ADIG: variants seen among roughly 807,000 people sequenced by gnomAD.
The protein encoded by ADIG is adipogenin, also known as adipogenesis associated.
A neutral mutation model predicts 10.7 loss-of-function variants in ADIG; 12 were observed. The ratio of observed to expected loss-of-function variants is 1.12; its 90% CI spans 0.72 to 1.82. The LOEUF (loss-of-function observed/expected upper bound fraction) is 1.82. ADIG is among the 40% of genes most tolerant of loss of function. ADIG has a pLI of 0.00. For missense variants in ADIG, 72 were observed against 92.5 expected (o/e 0.78, Z 0.91); for synonymous variants, 32 against 35.6 (o/e 0.90, Z 0.36).
intron 1 of ADIG, among the ~76,000 whole-genome samples, chr20:38,582,211 A>G (rs1481547191): frequency 6.6e-6 from 1 of 152,144 alleles, no homozygotes; most frequent in African/African-American, 2.4e-5. Flanking sequence ...GGAGTTTGAG[A>G]CCAGGCTGGG....
chr20:38,582,543 C>T (rs1052739888), intron 1 of ADIG, among the ~76,000 whole-genome samples: 1 of 152,218 alleles, frequency 6.6e-6, no homozygotes, highest in African/African-American at 2.4e-5. Flanking sequence ...CTCCCCACAC[C>T]CCTGCTAGCC....
chr20:38,582,996 T>A (rs2088602090), intron 1 of ADIG, among the ~76,000 whole-genome samples: 9 of 152,012 alleles, frequency 5.9e-5, no homozygotes, highest in Admixed American at 5.9e-4. Context: ...TTTTGTATTT[T>A]TAGTAGAGAT....
At chr20:38,587,424 A>G (rs2088646896) in intron 2 of ADIG, among the ~76,000 whole-genome samples, 2 of 152,090 alleles carry the variant, frequency 1.3e-5, no homozygotes, top group African/African-American at 4.8e-5. Context: ...TTTTCCCAGG[A>G]AAACTCCTCC....
chr20:38,584,614 G>A (rs1326208710), intron 1 of ADIG, among the ~76,000 whole-genome samples: 1 of 152,242 alleles, frequency 6.6e-6, no homozygotes, highest in Non-Finnish European at 1.5e-5. Flanking sequence ...GCCTGGACAA[G>A]TGATTTCACC....
intron 2 of ADIG, among the ~76,000 whole-genome samples, chr20:38,586,464 G>A (rs55676615): frequency 0.027 from 4,157 of 152,188 alleles, 189 homozygotes; most frequent in African/African-American, 0.095. Flanking sequence ...TCCCTCAGAC[G>A]TCTGCGTGGG....
intron 1 of ADIG, among the ~76,000 whole-genome samples, chr20:38,582,993 T>C (rs1374523691): frequency 6.6e-6 from 1 of 152,060 alleles, no homozygotes; most frequent in Non-Finnish European, 1.5e-5. Context: ...AATTTTTGTA[T>C]TTTTAGTAGA....
At chr20:38,584,907 A>C (rs918324582) in intron 1 of ADIG, among the ~76,000 whole-genome samples, 1 of 152,104 alleles carries the variant, frequency 6.6e-6, no homozygotes, top group African/African-American at 2.4e-5. Flanking sequence ...CCTCCTGAGC[A>C]GCTGGGACTA....
chr20:38,586,694 T>A (rs543925680), intron 2 of ADIG, among the ~76,000 whole-genome samples: 2 of 152,300 alleles, frequency 1.3e-5, no homozygotes. Context: ...AGAGGCTCAA[T>A]ACATGTTTGT....
Position 38,586,107 on chromosome 20 carries a change from G to C in ADIG, c.203G>C (p.Gly68Ala), listed in dbSNP as rs1324933032. The C allele has an allele frequency of 3.7e-6, 6 of 1,606,918 alleles. No individual in the cohort carries two copies. Among genetic ancestry groups the C allele is most frequent in the Non-Finnish European group, 5.1e-6 (6 of 1,176,848 alleles). ...GGCCCAGCTGAGTTTTGCTGGAAGG[G>C]GACACTCCACGGCCAAGAGAAGGAG... ...SKGPAEFCWK[G>A]TLHGQEKERP... The change falls in exon 2 of 3, where the codon GGG (glycine) becomes GCG (alanine). Residue 68 changes from glycine (G) to alanine (A), a missense_variant. Physicochemically the swap from Gly to Ala is moderately conservative, Grantham distance 60 (BLOSUM62 0). Coordinates refer to ENST00000537425, the MANE Select transcript of ADIG (RefSeq NM_001393816.1).
chr20:38,584,801 C>G (rs1034231073), intron 1 of ADIG, among the ~76,000 whole-genome samples: 5 of 150,996 alleles, frequency 3.3e-5, no homozygotes, highest in Non-Finnish European at 7.4e-5. Flanking sequence ...TTTTTTGAGA[C>G]GGAGTCTCGC....
rs1159931180 is a variant in ADIG, at chr20:38,588,211, A to G, written c.*125A>G. On this transcript the variant is annotated 3_prime_UTR_variant, in exon 3 of 3. Coordinates refer to ENST00000537425, the MANE Select transcript of ADIG (RefSeq NM_001393816.1). Reference sequence around the variant, plus strand: ...ACTGTGGTGCCTCCCTGGAACCCCCAACTCATCTCCTCTTCAGACCGACAT... The same window carrying G: ...ACTGTGGTGCCTCCCTGGAACCCCCGACTCATCTCCTCTTCAGACCGACAT... The G allele has an allele frequency of 2.3e-6, 3 of 1,304,556 alleles. No homozygotes were observed. The allele number at this position is 1,304,556 out of a possible 1,614,324, so 80.8% of individuals were successfully genotyped here. A position where few individuals can be genotyped will look rare whatever the true frequency, so the allele number is the denominator to read the frequency against.
chr20:38,582,692 C>T (rs2088599829), intron 1 of ADIG, among the ~76,000 whole-genome samples: 1 of 152,200 alleles, frequency 6.6e-6, no homozygotes, highest in African/African-American at 2.4e-5. Context: ...CCACAGCCCT[C>T]CCTGAGGGGC....
rs1016739771 is a variant in ADIG at position 38,581,289 on chromosome 20, A to G, written c.39A>G (p.Thr13=). 8.7e-6 allele frequency: 14 copies of G among 1,613,582 alleles called. No homozygotes were observed. Among genetic ancestry groups the G allele is most frequent in the East Asian group, 2.2e-5 (1 of 44,880 alleles). ...TGATGCCGCTGGTGAACGACCTCAC[A>G]TTTTCTTTCCTGGTTTTCTGGTTCT... is the stretch of plus-strand genomic sequence containing the variant. ...YPLMPLVNDL[T]FSFLVFWFCL... Residue 13 remains threonine, a synonymous_variant, in exon 1 of 3, where the codon ACA becomes ACG. Transcript: ENST00000537425.
intron 2 of ADIG, 80 bp downstream of exon 2, chr20:38,586,241 C>T (rs2088635946): frequency 2.6e-6 from 3 of 1,148,158 alleles, no homozygotes; most frequent in Non-Finnish European, 3.8e-6. Context: ...CAAGAGGCTG[C>T]CTCCACCATA....
Position 38,585,057 on chromosome 20 carries a change from G to T in ADIG, c.125-972G>T, listed in dbSNP as rs536952160. Reference sequence around the variant, plus strand: ...CCCAAAGTGCTGGGATTACAGGCGTGAGCCACTGTGCCCGGCCCCTACTGA... The same window carrying T: ...CCCAAAGTGCTGGGATTACAGGCGTTAGCCACTGTGCCCGGCCCCTACTGA... On this transcript the variant is annotated intron_variant, in intron 1 of 2. Coordinates refer to ENST00000537425, the MANE Select transcript of ADIG (RefSeq NM_001393816.1). Among the ~76,000 whole-genome samples the T allele has an allele frequency of 3.3e-5, 5 of 152,348 alleles. No individual in the cohort carries two copies. In the South Asian group the frequency reaches 1.0e-3, roughly 32 times the overall value.
intron 1 of ADIG, among the ~76,000 whole-genome samples, chr20:38,585,105 AAC>A (rs2088624914): frequency 6.6e-6 from 1 of 152,216 alleles, no homozygotes; most frequent in Admixed American, 6.5e-5. Context: ...ACTAACTGCC[AAC>A]ACTGTTGAAG....
chr20:38,587,194 C>T (rs1038803227), intron 2 of ADIG, among the ~76,000 whole-genome samples: 3 of 152,100 alleles, frequency 2.0e-5, no homozygotes, highest in Non-Finnish European at 4.4e-5. Flanking sequence ...GTCACGAACC[C>T]GGGAGCCAGC....
chr20:38,583,580 G>A (rs1172266848), intron 1 of ADIG, among the ~76,000 whole-genome samples: 1 of 152,238 alleles, frequency 6.6e-6, no homozygotes, highest in Non-Finnish European at 1.5e-5. Flanking sequence ...GCCAATGCTG[G>A]TTTTGTCAAT....
chr20:38,587,440 A>G (rs935866217), intron 2 of ADIG, among the ~76,000 whole-genome samples: 1 of 152,096 alleles, frequency 6.6e-6, no homozygotes, highest in Non-Finnish European at 1.5e-5. Flanking sequence ...CCTCCTATGA[A>G]TGCCCTCAGA....
Sources: gnomAD v4.1 joint callset for allele counts (sites outside exome capture counted in the v4.1 genomes callset) on GRCh38, gnomAD v4.1.1 for gene constraint, MANE v1.5 for transcripts, NCBI Gene and HGNC (gene_info 2026-07-23, HGNC 2026-07-21) for gene names.